HHAT: variants seen among roughly 807,000 people sequenced by gnomAD.
The protein encoded by HHAT is hedgehog acyltransferase, also known as protein-cysteine N-palmitoyltransferase HHAT.
HHAT carries 47 observed loss-of-function variants against 70.8 expected under a neutral mutation model. That is an observed-to-expected ratio of 0.66 (90% CI 0.53 to 0.85). The LOEUF is 0.85. Ranked by LOEUF, HHAT falls within the 40% of genes least tolerant of loss-of-function variation. The pLI is 0.00. For synonymous variants in HHAT, 228 were observed against 247.6 expected (o/e 0.92, Z 0.74); for missense variants, 609 against 604.8 (o/e 1.01, Z -0.07).
intron 7 of HHAT, among the ~76,000 whole-genome samples, chr1:210,443,330 T>C (rs1002640691): frequency 1.3e-5 from 2 of 151,758 alleles, no homozygotes; most frequent in African/African-American, 4.8e-5. Flanking sequence ...CGATGCGGGC[T>C]CTTTTTTGGT....
At chr1:210,450,024 G>A (rs1197907599) in intron 7 of HHAT, among the ~76,000 whole-genome samples, 1 of 152,124 alleles carries the variant, frequency 6.6e-6, no homozygotes, top group African/African-American at 2.4e-5. Context: ...GCTTGGCGTG[G>A]TGGCTCACCC....
chr1:210,560,342 C>CCATATCT (rs2095609988), intron 9 of HHAT, among the ~76,000 whole-genome samples: 1 of 152,070 alleles, frequency 6.6e-6, no homozygotes, highest in African/African-American at 2.4e-5. Flanking sequence ...ATGGGAATGT[C>CCATATCT]CATATCTCAC....
At chr1:210,410,331 C>A (rs964106590) in intron 6 of HHAT, among the ~76,000 whole-genome samples, 3 of 151,686 alleles carry the variant, frequency 2.0e-5, no homozygotes, top group Admixed American at 2.0e-4. Context: ...GCTGGGATTG[C>A]AGGCGTGAGC....
At chr1:210,438,150 T>C (rs564017270) in intron 7 of HHAT, among the ~76,000 whole-genome samples, 2 of 150,846 alleles carry the variant, frequency 1.3e-5, no homozygotes, top group South Asian at 2.1e-4. Flanking sequence ...TGCAACTTAA[T>C]TGTGACCTCA....
chr1:210,413,452 T>C (rs188013059), intron 6 of HHAT, among the ~76,000 whole-genome samples: 107 of 152,350 alleles, frequency 7.0e-4, no homozygotes, highest in Non-Finnish European at 8.1e-4. Context: ...GTTTTCCAAA[T>C]CTTTAAGTTC....
chr1:210,430,590 T>G (rs1411468244), intron 7 of HHAT, among the ~76,000 whole-genome samples: 3 of 151,914 alleles, frequency 2.0e-5, no homozygotes, highest in African/African-American at 7.3e-5. Context: ...GTATTATTTG[T>G]GGTGACACTA....
At position 210,449,421 on chromosome 1, in the gene HHAT, G is replaced by A. The variant is rs189863916; in HGVS notation, c.857-15084G>A. 2.2e-3 allele frequency among the ~76,000 whole-genome samples: 334 copies of A among 151,992 alleles called. 5 individuals carry two copies. The highest frequency in any genetic ancestry group is 5.7e-4 in the Non-Finnish European group (39 of 67,982). On this transcript the variant is annotated intron_variant, in intron 7 of 11. Coordinates refer to ENST00000261458, the MANE Select transcript of HHAT (RefSeq NM_018194.6). Reference sequence around the variant, plus strand: ...GACCCTTTCTGATCATGCCTTTCCCGTCGCTGAAGTTGCATCACCATTCCC... The same window carrying A: ...GACCCTTTCTGATCATGCCTTTCCCATCGCTGAAGTTGCATCACCATTCCC...
chr1:210,529,861 A>G (rs1440487126), intron 9 of HHAT, among the ~76,000 whole-genome samples: 1 of 152,172 alleles, frequency 6.6e-6, no homozygotes, highest in Non-Finnish European at 1.5e-5. Flanking sequence ...TTGCTGGCCC[A>G]CTCAGGTATT....
chr1:210,571,503 A>T (rs559783678), intron 9 of HHAT, among the ~76,000 whole-genome samples: 3 of 152,062 alleles, frequency 2.0e-5, no homozygotes, highest in Admixed American at 1.3e-4. Flanking sequence ...GTATCCCCAC[A>T]CTCAGGACCT....
At chr1:210,429,045 T>C (rs77618085) in intron 7 of HHAT, among the ~76,000 whole-genome samples, 7,853 of 151,834 alleles carry the variant, frequency 0.052, 853 homozygotes, top group African/African-American at 0.18. Flanking sequence ...AGAGGTTAAT[T>C]ATTTTTAGCT....
chr1:210,502,624 G>T (rs2094781003), intron 8 of HHAT, among the ~76,000 whole-genome samples: 1 of 152,138 alleles, frequency 6.6e-6, no homozygotes, highest in South Asian at 2.1e-4. Context: ...CTAAGAGCCA[G>T]GCTCTGTTAG....
intron 11 of HHAT, among the ~76,000 whole-genome samples, chr1:210,630,772 G>T (rs556921839): frequency 5.3e-5 from 8 of 152,290 alleles, no homozygotes; most frequent in South Asian, 2.1e-4. Flanking sequence ...GCTTTTGCTG[G>T]AACTATTGGG....
At chr1:210,346,016 A>T (rs574062872) in intron 1 of HHAT, among the ~76,000 whole-genome samples, 1 of 151,812 alleles carries the variant, frequency 6.6e-6, no homozygotes, top group African/African-American at 2.4e-5. Flanking sequence ...GCGAGCTGAG[A>T]TCATGCCACT....
intron 9 of HHAT, among the ~76,000 whole-genome samples, chr1:210,571,731 G>A (rs1466352111): frequency 6.6e-6 from 1 of 152,138 alleles, no homozygotes; most frequent in Non-Finnish European, 1.5e-5. Flanking sequence ...TTGGGAAGTG[G>A]CTGTTTCCTA....
At chr1:210,603,281 A>C (rs1376454517) in intron 10 of HHAT, among the ~76,000 whole-genome samples, 1 of 152,038 alleles carries the variant, frequency 6.6e-6, no homozygotes, top group Non-Finnish European at 1.5e-5. Flanking sequence ...CATAGTGTGA[A>C]TGTAAATGGT....
At chr1:210,563,114 A>C (rs1034127250) in intron 9 of HHAT, among the ~76,000 whole-genome samples, 1 of 152,034 alleles carries the variant, frequency 6.6e-6, no homozygotes, top group African/African-American at 2.4e-5. Flanking sequence ...CTATACTTTG[A>C]GGCCTCTCCT....
rs373339216 is a variant in HHAT, at chr1:210,449,950, C to G, written c.857-14555C>G. Among the ~76,000 whole-genome samples the G allele has an allele frequency of 5.3e-5, 8 of 152,222 alleles. No individual in the cohort carries two copies. The East Asian group carries it at 1.5e-3, about 29-fold the overall frequency. On this transcript the variant is annotated intron_variant, in intron 7 of 11. Coordinates refer to ENST00000261458, the MANE Select transcript of HHAT (RefSeq NM_018194.6). ...CCAGAGGGAGGATGCATCCACAGTTCTGGAATTCGGGGGAAATATCAAAGT... is the reference window on the plus strand; with the variant it reads ...CCAGAGGGAGGATGCATCCACAGTTGTGGAATTCGGGGGAAATATCAAAGT...
intron 9 of HHAT, among the ~76,000 whole-genome samples, chr1:210,543,307 C>G (rs2095449230): frequency 6.6e-6 from 1 of 151,598 alleles, no homozygotes; most frequent in South Asian, 2.1e-4. Context: ...TTTTTTTCCT[C>G]TAATTTTTCT....
chr1:210,487,795 A>C (rs2094495101), intron 8 of HHAT, among the ~76,000 whole-genome samples: 1 of 152,222 alleles, frequency 6.6e-6, no homozygotes, highest in Admixed American at 6.5e-5. Flanking sequence ...AGTGCTCATT[A>C]ATGTTCATTA....
Sources: gnomAD v4.1 joint callset for allele counts (sites outside exome capture counted in the v4.1 genomes callset) on GRCh38, gnomAD v4.1.1 for gene constraint, MANE v1.5 for transcripts, NCBI Gene and HGNC (gene_info 2026-07-23, HGNC 2026-07-21) for gene names.